Variants in PCDHGB2 observed in about 807,000 individuals in gnomAD.
PCDHGB2 encodes the protein protocadherin gamma-B2.
PCDHGB2 carries 55 observed loss-of-function variants against 59.3 expected under a neutral mutation model. The observed-to-expected ratio is 0.93, with a 90% confidence interval of 0.75 to 1.16. The LOEUF (loss-of-function observed/expected upper bound fraction) is 1.16, where lower values mean the gene tolerates loss of function less well. Ranked by LOEUF, PCDHGB2 falls within the 50% of genes most tolerant of loss-of-function variation. The probability of loss-of-function intolerance (pLI) is 0.00; values close to 1 mark genes in which losing one functional copy is unlikely to be tolerated. For missense variants in PCDHGB2, 1,228 were observed against 1,198.5 expected, an observed-to-expected ratio of 1.02 and a Z score of -0.36; for synonymous variants, 516 against 512.0, an observed-to-expected ratio of 1.01 and a Z score of -0.11.
At chr5:141,420,907 C>G (rs916293573) in intron 1 of PCDHGB2, 3 of 301,914 alleles carry the variant, frequency 9.9e-6, no homozygotes, top group Admixed American at 4.6e-5. Context: ...TCTACAAATA[C>G]GTGTGATTCA....
At chr5:141,374,058 C>T in intron 1 of PCDHGB2, 1 of 1,487,942 alleles carries the variant, frequency 6.7e-7, no homozygotes, top group Non-Finnish European at 8.9e-7. Context: ...CTTCTTAATC[C>T]CAGAGAAGTT....
At chr5:141,413,222 G>T in intron 1 of PCDHGB2, 1 of 1,613,796 alleles carries the variant, frequency 6.2e-7, no homozygotes, top group Admixed American at 1.7e-5. Flanking sequence ...GATTGCAGCG[G>T]GCTGGTCCTG....
chr5:141,425,013 G>T (rs1666336437), intron 1 of PCDHGB2, among the ~76,000 whole-genome samples: 1 of 152,108 alleles, frequency 6.6e-6, no homozygotes, highest in Non-Finnish European at 1.5e-5. Flanking sequence ...TCTCATTTAG[G>T]AATTTACCTT....
At position 141,384,620 on chromosome 5, in the gene PCDHGB2, G is replaced by C. The variant is rs767421233; in HGVS notation, c.2421+22064G>C. On this transcript the variant is annotated intron_variant, in intron 1 of 3. Coordinates refer to ENST00000522605, the MANE Select transcript of PCDHGB2 (RefSeq NM_018923.3). ...GCCCTCCCCACAGATGGTTCTACTG[G>C]CATGGAGCTGGCACCCCGCTCCGCA... 6 of 1,614,082 alleles carry C rather than the reference G, an allele frequency of 3.7e-6. No homozygotes were observed. The African/African-American group carries it at 8.0e-5, about 22-fold the overall frequency.
chr5:141,399,623 C>G, intron 1 of PCDHGB2: 2 of 1,613,920 alleles, frequency 1.2e-6, no homozygotes, highest in Non-Finnish European at 1.7e-6. Context: ...GCACTGGCCT[C>G]TTACGTGTCC....
At chr5:141,500,822 T>A (rs1377955680) in intron 2 of PCDHGB2, among the ~76,000 whole-genome samples, 1 of 152,240 alleles carries the variant, frequency 6.6e-6, no homozygotes, top group African/African-American at 2.4e-5. Context: ...TACATATTAT[T>A]TTTCTAATGC....
At chr5:141,365,022 C>G in intron 1 of PCDHGB2, 1 of 1,613,864 alleles carries the variant, frequency 6.2e-7, no homozygotes. Context: ...ATCCGTGTTA[C>G]GGTCCTCGAC....
At chr5:141,378,758 C>G (rs969501970) in intron 1 of PCDHGB2, 1 of 152,162 alleles carries the variant, frequency 6.6e-6, no homozygotes, top group Non-Finnish European at 1.5e-5. Flanking sequence ...AAGGGATTAT[C>G]ATTTAGAAGA....
chr5:141,399,559 G>T (rs1589373313), intron 1 of PCDHGB2: 1 of 1,614,038 alleles, frequency 6.2e-7, no homozygotes, highest in African/African-American at 1.3e-5. Context: ...CCTGGACTTG[G>T]GGTTGAACGG....
At chr5:141,397,904 G>A in intron 1 of PCDHGB2, 1 of 657,312 alleles carries the variant, frequency 1.5e-6, no homozygotes, top group Non-Finnish European at 2.5e-6. Flanking sequence ...TGCAGAGCTT[G>A]GCGCTCCAGA....
intron 1 of PCDHGB2, among the ~76,000 whole-genome samples, chr5:141,429,706 T>G (rs191069331): frequency 7.6e-4 from 116 of 152,354 alleles, no homozygotes; most frequent in African/African-American, 2.5e-3. Flanking sequence ...ACAGTATAAA[T>G]ATTTACGCTC....
chr5:141,390,874 G>C (rs2092257325), intron 1 of PCDHGB2: 1 of 153,302 alleles, frequency 6.5e-6, no homozygotes, highest in Non-Finnish European at 1.4e-5. Context: ...GTGCGTGTGT[G>C]TGTGTGTGTG....
At chr5:141,422,745 C>G (rs1380262961) in intron 1 of PCDHGB2, 15 of 1,610,564 alleles carry the variant, frequency 9.3e-6, no homozygotes, top group Non-Finnish European at 1.3e-5. Flanking sequence ...CCTCCTATGT[C>G]TCTATTAACT....
intron 1 of PCDHGB2, chr5:141,478,865 T>G: frequency 7.5e-7 from 1 of 1,326,190 alleles, no homozygotes; most frequent in Non-Finnish European, 1.0e-6. Context: ...ATCTCAGCGA[T>G]CAGAGTTTAG....
At chr5:141,420,046 A>G (rs772981030) in intron 1 of PCDHGB2, 6 of 1,614,048 alleles carry the variant, frequency 3.7e-6, no homozygotes, top group South Asian at 1.1e-5. Context: ...GCTTTGAGTC[A>G]GTTCTCTGCT....
Position 141,362,158 on chromosome 5 carries a change from C to G in PCDHGB2, c.2023C>G (p.Leu675Val). 6.2e-7 allele frequency: 1 copy of G among 1,614,034 alleles called. No individual in the cohort carries two copies. The highest frequency in any genetic ancestry group is 1.1e-5 in the South Asian group (1 of 91,084). The change falls in exon 1 of 4, where the codon CTC (leucine) becomes GTC (valine). Residue 675 changes from leucine (L) to valine (V), a missense_variant. Physicochemically the swap from Leu to Val is conservative, Grantham distance 32 (BLOSUM62 1). Transcript: ENST00000522605. ...ADSLQEVLPD[L>V]SDRREPSDPQ... ...TAGCCTGCAAGAGGTATTGCCAGAC[C>G]TCAGCGACCGCCGGGAGCCCTCTGA...
Position 141,486,672 on chromosome 5 carries a change from G to A in PCDHGB2, c.2422-8135G>A. The A allele has an allele frequency of 5.0e-6, 8 of 1,614,000 alleles. No homozygotes were observed. Among genetic ancestry groups the A allele is most frequent in the Non-Finnish European group, 5.9e-6 (7 of 1,180,028 alleles). On this transcript the variant is annotated intron_variant, in intron 1 of 3. Coordinates refer to ENST00000522605, the MANE Select transcript of PCDHGB2 (RefSeq NM_018923.3). This position sits in a 1 kb window ranked among gnomAD's most constrained non-coding sequence, Gnocchi z 5.0. Reference sequence around the variant, plus strand: ...TACTCACTCCTGGAGCCCAGGAATCGAGATGTATCAGCTTCCTCTTTCATC... The same window carrying A: ...TACTCACTCCTGGAGCCCAGGAATCAAGATGTATCAGCTTCCTCTTTCATC...
At chr5:141,438,610 A>G (rs2098013566) in intron 1 of PCDHGB2, among the ~76,000 whole-genome samples, 1 of 30,060 alleles carries the variant, frequency 3.3e-5, no homozygotes, top group African/African-American at 2.4e-4. Flanking sequence ...ATATATATAT[A>G]TATATATATA....
At chr5:141,428,245 C>A in intron 1 of PCDHGB2, 1 of 948,140 alleles carries the variant, frequency 1.1e-6, no homozygotes, top group South Asian at 1.4e-5. Flanking sequence ...GGAGGCACTG[C>A]CAGACTTCAG....
Sources: gnomAD v4.1 joint callset for allele counts (sites outside exome capture counted in the v4.1 genomes callset) on GRCh38, gnomAD v4.1.1 for gene constraint, Gnocchi (gnomAD v3.1) non-coding constraint, MANE v1.5 for transcripts, NCBI Gene and HGNC (gene_info 2026-07-23, HGNC 2026-07-21) for gene names.